The following GALNT13 variants were observed in gnomAD, a reference collection of about 807,000 sequenced individuals.
The protein encoded by GALNT13 is UDP-GalNAc:polypeptide N-acetylgalactosaminyltransferase 13.
A neutral mutation model predicts 64.2 loss-of-function variants in GALNT13; 28 were observed. The observed-to-expected ratio is 0.44, with a 90% CI of 0.32 to 0.60. The LOEUF (loss-of-function observed/expected upper bound fraction) is 0.60, where lower values mean the gene tolerates loss of function less well. Among genes scored for constraint, GALNT13 ranks in the 20% least tolerant of loss-of-function variants. The pLI, the probability that GALNT13 is intolerant of heterozygous loss-of-function variation, is 0.05. For synonymous variants in GALNT13, 214 were observed against 224.6 expected, an observed-to-expected ratio of 0.95 and a Z score of 0.42; for missense variants, 577 against 669.8, an observed-to-expected ratio of 0.86 and a Z score of 1.53.
At chr2:153,991,989 GA>G (rs2105191481) in intron 3 of GALNT13, among the ~76,000 whole-genome samples, 1 of 152,230 alleles carries the variant, frequency 6.6e-6, no homozygotes, top group South Asian at 2.1e-4. Flanking sequence ...CAATGTGTTT[GA>G]AATCATGGGA....
intron 4 of GALNT13, among the ~76,000 whole-genome samples, chr2:154,208,440 A>G (rs62171198): frequency 0.032 from 4,853 of 152,248 alleles, 101 homozygotes; most frequent in East Asian, 0.13. Flanking sequence ...TGTGAAATCT[A>G]ATATTAGGTA....
chr2:153,434,413 C>T, the GALNT13 span, among the ~76,000 whole-genome samples: 9 of 152,184 alleles, frequency 5.9e-5, no homozygotes, highest in South Asian at 2.1e-4. Flanking sequence ...ACACCGACTT[C>T]CACAATGGTT....
rs556695590 is a variant in GALNT13 at position 154,251,083 on chromosome 2, T to C, written c.857+5101T>C. Reference sequence around the variant, plus strand: ...ACTTTTATATTATATTACTTTCTAATAGTTTAGGGGATAATTTGGGAGACT... The same window carrying C: ...ACTTTTATATTATATTACTTTCTAACAGTTTAGGGGATAATTTGGGAGACT... On this transcript the variant is annotated intron_variant, in intron 7 of 12. Coordinates refer to ENST00000392825, the MANE Select transcript of GALNT13 (RefSeq NM_052917.4). Among the ~76,000 whole-genome samples, 112 of 152,244 alleles carry C rather than the reference T, an allele frequency of 7.4e-4. 1 individual carries two copies. The highest frequency in any genetic ancestry group is 2.2e-3 in the African/African-American group (90 of 41,548).
At chr2:153,138,875 A>C in the GALNT13 span, among the ~76,000 whole-genome samples, 2 of 152,032 alleles carry the variant, frequency 1.3e-5, no homozygotes, top group Non-Finnish European at 1.5e-5. Context: ...TTTAATATGA[A>C]TAGTGGTGCA....
At chr2:153,227,277 G>T in the GALNT13 span, among the ~76,000 whole-genome samples, 2 of 152,218 alleles carry the variant, frequency 1.3e-5, no homozygotes, top group African/African-American at 2.4e-5. Flanking sequence ...CCAGGTCGAT[G>T]AATATGAGTG....
At chr2:153,716,770 G>C in the GALNT13 span, among the ~76,000 whole-genome samples, 1 of 152,070 alleles carries the variant, frequency 6.6e-6, no homozygotes, top group African/African-American at 2.4e-5. Context: ...AGGCCTGTGA[G>C]TGGTAAAACT....
At chr2:153,145,645 T>C in the GALNT13 span, among the ~76,000 whole-genome samples, 8 of 151,978 alleles carry the variant, frequency 5.3e-5, no homozygotes, top group African/African-American at 1.7e-4. Context: ...TAGGTCCAAG[T>C]CCAACCAGAT....
At chr2:153,976,128 G>A (rs1694061763) in intron 3 of GALNT13, among the ~76,000 whole-genome samples, 1 of 151,982 alleles carries the variant, frequency 6.6e-6, no homozygotes, top group Non-Finnish European at 1.5e-5. Flanking sequence ...TCTTACGTAT[G>A]TATGTGTTAT....
At chr2:154,395,099 T>G (rs533332632) in intron 9 of GALNT13, among the ~76,000 whole-genome samples, 1 of 152,320 alleles carries the variant, frequency 6.6e-6, no homozygotes, top group South Asian at 2.1e-4. Context: ...TGTGCCAGCA[T>G]GTTGCATAGT....
chr2:153,996,071 A>G (rs936663360), intron 3 of GALNT13, among the ~76,000 whole-genome samples: 4 of 152,224 alleles, frequency 2.6e-5, no homozygotes, highest in South Asian at 2.1e-4. Flanking sequence ...TTATCCATTC[A>G]TTGGTTGATG....
the GALNT13 span, among the ~76,000 whole-genome samples, chr2:153,607,957 G>A: frequency 6.6e-6 from 1 of 152,076 alleles, no homozygotes; most frequent in Non-Finnish European, 1.5e-5. Context: ...ATATATATAT[G>A]TAAGTATATT....
At chr2:153,193,735 C>T in the GALNT13 span, among the ~76,000 whole-genome samples, 2 of 151,782 alleles carry the variant, frequency 1.3e-5, no homozygotes, top group African/African-American at 2.4e-5. Context: ...TAGATACTGT[C>T]TTTTGCTTCC....
chr2:153,361,852 C>A, the GALNT13 span, among the ~76,000 whole-genome samples: 2 of 152,092 alleles, frequency 1.3e-5, no homozygotes, highest in South Asian at 4.1e-4. Flanking sequence ...GGCCAATATT[C>A]AAGTTCAGGA....
At chr2:153,144,006 G>C in the GALNT13 span, among the ~76,000 whole-genome samples, 1 of 151,922 alleles carries the variant, frequency 6.6e-6, no homozygotes, top group Non-Finnish European at 1.5e-5. Context: ...ACATGAATGC[G>C]TACGAAATAC....
chr2:153,612,839 G>A, the GALNT13 span, among the ~76,000 whole-genome samples: 6 of 152,044 alleles, frequency 3.9e-5, no homozygotes, highest in Admixed American at 2.0e-4. Context: ...TTTTCATTAC[G>A]TATATATGGT....
chr2:153,963,016 G>A (rs1421003589), intron 3 of GALNT13, among the ~76,000 whole-genome samples: 1 of 152,138 alleles, frequency 6.6e-6, no homozygotes, highest in Non-Finnish European at 1.5e-5. Flanking sequence ...CATGGGACTG[G>A]GTAATTATTA....
chr2:154,140,656 C>G (rs1426785184), intron 4 of GALNT13, 151 bp downstream of exon 4: 1 of 472,210 alleles, frequency 2.1e-6, no homozygotes, highest in African/African-American at 2.0e-5. Context: ...CATGCATATG[C>G]TGAAAAAGGC....
At chr2:154,082,224 C>T (rs1157743777) in intron 3 of GALNT13, among the ~76,000 whole-genome samples, 2 of 151,426 alleles carry the variant, frequency 1.3e-5, no homozygotes, top group African/African-American at 4.8e-5. Context: ...TATATCTTAC[C>T]TAGGGTCAGA....
the GALNT13 span, among the ~76,000 whole-genome samples, chr2:153,831,500 T>C: frequency 6.6e-6 from 1 of 152,164 alleles, no homozygotes; most frequent in African/African-American, 2.4e-5. Flanking sequence ...TTCCTTCTTG[T>C]AGCAGCCACT....
Sources: allele counts gnomAD v4.1 joint callset (sites outside exome capture counted in the v4.1 genomes callset), GRCh38; gene constraint gnomAD v4.1.1; transcripts MANE v1.5; gene names NCBI Gene and HGNC (gene_info 2026-07-23, HGNC 2026-07-21).